Variants in MAGI2 observed in about 807,000 individuals in gnomAD.
MAGI2 encodes membrane-associated guanylate kinase, WW and PDZ domain-containing protein 2.
Under a neutral mutation model 133.3 loss-of-function variants are expected in MAGI2, and 35 were observed. The ratio of observed to expected loss-of-function variants is 0.26; its 90% CI spans 0.20 to 0.35. The LOEUF is 0.35. MAGI2 is among the 10% of genes least tolerant of loss of function. The probability of loss-of-function intolerance (pLI) is 1.00; values close to 1 mark genes in which losing one functional copy is unlikely to be tolerated. For missense variants in MAGI2, 1,636 were observed against 1,863.4 expected (o/e 0.88, Z 2.25); for synonymous variants, 729 against 710.6 (o/e 1.03, Z -0.41).
intron 1 of MAGI2, among the ~76,000 whole-genome samples, chr7:79,403,298 A>C (rs937055466): frequency 6.6e-6 from 1 of 152,170 alleles, no homozygotes; most frequent in African/African-American, 2.4e-5. Flanking sequence ...GTATGTAAAA[A>C]GGGAGATTTA....
At chr7:79,120,527 A>G (rs1194025470) in intron 1 of MAGI2, among the ~76,000 whole-genome samples, 1 of 152,066 alleles carries the variant, frequency 6.6e-6, no homozygotes, top group East Asian at 1.9e-4. Flanking sequence ...TGTACTACAA[A>G]TATGTGGTCT....
At chr7:79,007,360 T>A (rs1421169458) in intron 1 of MAGI2, among the ~76,000 whole-genome samples, 154 bp from the exon 2 acceptor site, 2 of 152,294 alleles carry the variant, frequency 1.3e-5, no homozygotes, top group East Asian at 3.9e-4. Flanking sequence ...GCCACAATGA[T>A]AACAGAGATA....
chr7:78,770,166 G>A (rs1825436433), intron 2 of MAGI2, among the ~76,000 whole-genome samples: 1 of 152,198 alleles, frequency 6.6e-6, no homozygotes, highest in Non-Finnish European at 1.5e-5. Context: ...TATCTGCACA[G>A]CAAGAAACAA....
At chr7:79,049,378 T>C (rs755221293) in intron 1 of MAGI2, among the ~76,000 whole-genome samples, 4 of 152,148 alleles carry the variant, frequency 2.6e-5, no homozygotes, top group Non-Finnish European at 4.4e-5. Context: ...TATAAGTATG[T>C]AGATGAAAGC....
intron 6 of MAGI2, among the ~76,000 whole-genome samples, chr7:78,441,120 G>T (rs1787580143): frequency 6.6e-6 from 1 of 152,148 alleles, no homozygotes; most frequent in South Asian, 2.1e-4. Context: ...ATGGTGTAAT[G>T]AAACATAGTT....
At chr7:78,966,649 T>C (rs1166438417) in intron 2 of MAGI2, among the ~76,000 whole-genome samples, 2 of 152,120 alleles carry the variant, frequency 1.3e-5, no homozygotes, top group Non-Finnish European at 2.9e-5. Context: ...CATGTGAATA[T>C]CTCTTTGAGA....
At chr7:78,552,176 CTTT>C (rs869196799) in intron 3 of MAGI2, among the ~76,000 whole-genome samples, 4 of 90,346 alleles carry the variant, frequency 4.4e-5, no homozygotes, top group Admixed American at 2.8e-4. Context: ...ATTTGTTTTC[CTTT>C]TTTTTTTTTT....
rs150248035 is a variant in MAGI2, at chr7:78,048,232, T to C, written c.3707-28256A>G. 3.3e-3 allele frequency among the ~76,000 whole-genome samples: 502 copies of C among 152,328 alleles called. 1 individual carries two copies. The highest frequency in any genetic ancestry group is 0.011 in the South Asian group (52 of 4,826). ...GATGTCCTCACTGGCTTGTCTTCTA[T>C]ATGCAGGGTATGTTAAATTGGGTTT... On this transcript the variant is annotated intron_variant, in intron 21 of 21. Coordinates refer to ENST00000354212, the MANE Select transcript of MAGI2 (RefSeq NM_012301.4).
chr7:78,176,704 C>T (rs913183073), intron 14 of MAGI2, among the ~76,000 whole-genome samples: 3 of 151,726 alleles, frequency 2.0e-5, no homozygotes, highest in African/African-American at 4.8e-5. Flanking sequence ...TTTCTGGGGC[C>T]AGGCATGGTG....
intron 3 of MAGI2, among the ~76,000 whole-genome samples, chr7:78,599,802 T>A (rs1804995306): frequency 1.3e-5 from 2 of 152,120 alleles, no homozygotes; most frequent in African/African-American, 4.8e-5. Context: ...CCCAGAATGG[T>A]CAGGTTATCT....
intron 1 of MAGI2, chr7:79,415,170 A>T (rs1385541299): frequency 6.6e-6 from 1 of 152,202 alleles, no homozygotes; most frequent in African/African-American, 2.4e-5. Flanking sequence ...AGAAAAAGCT[A>T]TGAATTCATG....
At chr7:79,093,878 C>T (rs930195930) in intron 1 of MAGI2, among the ~76,000 whole-genome samples, 2 of 151,910 alleles carry the variant, frequency 1.3e-5, no homozygotes, top group Non-Finnish European at 2.9e-5. Context: ...ACACACCCAG[C>T]TAATTTTTGT....
rs2150643095 is a variant in MAGI2 at position 78,168,085 on chromosome 7, G to T, written c.2427C>A (p.Ala809=). Residue 809 remains alanine (A), a synonymous_variant, in exon 15 of 22, where the codon GCC becomes GCA. Coordinates refer to ENST00000354212, the MANE Select transcript of MAGI2 (RefSeq NM_012301.4). ...GQPILIGAVI[A]MGSADRDGRL... ...GGCCATCTCTGTCGGCTGAGCCCAT[G>T]GCAATGACAGCTCCAATCAAAATCT... is the stretch of plus-strand genomic sequence containing the variant. 6.2e-7 allele frequency: 1 copy of T among 1,614,048 alleles called. No homozygotes were observed.
chr7:78,480,619 T>C (rs1792264308), intron 6 of MAGI2, among the ~76,000 whole-genome samples: 1 of 151,938 alleles, frequency 6.6e-6, no homozygotes, highest in South Asian at 2.1e-4. Flanking sequence ...TGTCAACAGC[T>C]TAAATAAGAA....
At chr7:78,268,641 T>C (rs1387162161) in intron 9 of MAGI2, among the ~76,000 whole-genome samples, 2 of 152,190 alleles carry the variant, frequency 1.3e-5, no homozygotes, top group African/African-American at 4.8e-5. Flanking sequence ...TGGATGTTTG[T>C]TTATATAAGC....
At chr7:79,319,116 ATTT>A (rs1838975980) in intron 1 of MAGI2, among the ~76,000 whole-genome samples, 1 of 152,118 alleles carries the variant, frequency 6.6e-6, no homozygotes. Flanking sequence ...GTTTTAGAAT[ATTT>A]ATTCAACTTT....
At chr7:78,293,668 A>G (rs1796945938) in intron 9 of MAGI2, among the ~76,000 whole-genome samples, 2 of 152,216 alleles carry the variant, frequency 1.3e-5, no homozygotes, top group Admixed American at 1.3e-4. Context: ...CACAATAGCA[A>G]AGACTTGGAA....
chr7:78,712,314 G>A (rs1819275607), intron 2 of MAGI2, among the ~76,000 whole-genome samples: 1 of 152,170 alleles, frequency 6.6e-6, no homozygotes, highest in African/African-American at 2.4e-5. Flanking sequence ...CTGGCACTCT[G>A]AGGAAGCCAC....
intron 1 of MAGI2, among the ~76,000 whole-genome samples, chr7:79,164,849 A>G (rs768874799): frequency 3.3e-4 from 50 of 152,226 alleles, no homozygotes; most frequent in Non-Finnish European, 6.3e-4. Context: ...AGGACCTCCT[A>G]AGGGATATGT....
Sources: gnomAD v4.1 joint callset for allele counts (sites outside exome capture counted in the v4.1 genomes callset) on GRCh38, gnomAD v4.1.1 for gene constraint, MANE v1.5 for transcripts, NCBI Gene and HGNC (gene_info 2026-07-23, HGNC 2026-07-21) for gene names.